HDGFL3: variants seen among roughly 807,000 people sequenced by gnomAD.
The protein encoded by HDGFL3 is hepatoma-derived growth factor-related protein 3.
A neutral mutation model predicts 27.6 loss-of-function variants in HDGFL3; 6 were observed. That is an observed-to-expected ratio of 0.22 (90% confidence interval 0.12 to 0.43). The LOEUF is 0.43. Ranked by LOEUF, HDGFL3 falls within the 20% of genes least tolerant of loss-of-function variation. HDGFL3 has a pLI of 1.00. For missense variants in HDGFL3, 207 were observed against 250.1 expected (o/e 0.83, Z 1.16); for synonymous variants, 88 against 88.9 (o/e 0.99, Z 0.05).
chr15:83,186,855 C>G (rs147835957), intron 1 of HDGFL3, among the ~76,000 whole-genome samples: 1 of 152,122 alleles, frequency 6.6e-6, no homozygotes, highest in Non-Finnish European at 1.5e-5. Flanking sequence ...AACCAACAAC[C>G]ACTTGTACCC....
intron 1 of HDGFL3, among the ~76,000 whole-genome samples, chr15:83,176,188 C>G (rs2037307349): frequency 6.6e-6 from 1 of 152,138 alleles, no homozygotes; most frequent in Admixed American, 6.5e-5. Context: ...TGAAGGTAAG[C>G]CTCAATGTGT....
chr15:83,151,059 T>C (rs1017916967), intron 5 of HDGFL3, among the ~76,000 whole-genome samples, 156 bp downstream of exon 5: 11 of 152,276 alleles, frequency 7.2e-5, no homozygotes, highest in South Asian at 4.1e-4. Flanking sequence ...CTCTAAGAAT[T>C]TGATTATATT....
chr15:83,167,885 T>G (rs923143465), intron 1 of HDGFL3, among the ~76,000 whole-genome samples: 2 of 152,152 alleles, frequency 1.3e-5, no homozygotes, highest in Admixed American at 6.5e-5. Flanking sequence ...TACTCCAAGA[T>G]AGACCACATG....
intron 1 of HDGFL3, among the ~76,000 whole-genome samples, chr15:83,202,401 G>C (rs1053283168): frequency 6.6e-6 from 1 of 152,088 alleles, no homozygotes; most frequent in Non-Finnish European, 1.5e-5. Context: ...TAAAGGAAGA[G>C]AAAGACACTG....
chr15:83,180,844 C>T (rs2078003105), intron 1 of HDGFL3: 4 of 151,986 alleles, frequency 2.6e-5, no homozygotes, highest in South Asian at 2.1e-4. Flanking sequence ...GCCATGTTGG[C>T]TAGGCTGGTC....
At chr15:83,156,417 G>A (rs2037030223) in intron 4 of HDGFL3, among the ~76,000 whole-genome samples, 1 of 152,138 alleles carries the variant, frequency 6.6e-6, no homozygotes, top group Non-Finnish European at 1.5e-5. Flanking sequence ...TTTATGTGAA[G>A]GCAGGAATGG....
In HDGFL3 at chr15:83,151,285, C is replaced by T; in HGVS notation, c.536G>A (p.Ser179Asn). Residue 179 changes from serine (S) to asparagine (N), a missense_variant, in exon 5 of 6, where the codon AGC becomes AAC. Transcript: ENST00000299633. ...GTTGCCCGCATCTCCACCCTCAGAG[C>T]TGCTTTTGTTTTCCTCTTCTTTGCA... ...KDCKEEENKS[S>N]SEGGDAGNDT... 1 of 1,613,416 alleles carries T rather than the reference C, an allele frequency of 6.2e-7. No individual in the cohort carries two copies.
At chr15:83,148,781 T>C (rs373750828) in intron 5 of HDGFL3, among the ~76,000 whole-genome samples, 1 of 152,062 alleles carries the variant, frequency 6.6e-6, no homozygotes, top group Non-Finnish European at 1.5e-5. Flanking sequence ...TGAAGGAATC[T>C]TGGGAAAACA....
Position 83,128,514 on chromosome 15 carries a change from GGTTT to G in HDGFL3, c.*10752_*10755del, listed in dbSNP as rs1450543904. 1 of 152,008 alleles carries G rather than the reference GGTTT, an allele frequency of 6.6e-6. No individual in the cohort carries two copies. The highest frequency in any genetic ancestry group is 1.5e-5 in the Non-Finnish European group (1 of 68,006). The allele number at this position is 152,008 out of a possible 1,614,324, so 9.4% of individuals were successfully genotyped here. A position where few individuals can be genotyped will look rare whatever the true frequency, so the allele number is the denominator to read the frequency against. The stretch of plus-strand genomic sequence containing the variant: ...AAATACCTGATTCCTCAGTCCTTGG[GGTTT>G]ATTTCTGTATTTTAGGTCTTTATCT... On this transcript the variant is annotated 3_prime_UTR_variant, in exon 6 of 6. Transcript: ENST00000299633.
intron 1 of HDGFL3, among the ~76,000 whole-genome samples, chr15:83,194,180 G>A (rs2037543932): frequency 6.6e-6 from 1 of 152,196 alleles, no homozygotes; most frequent in African/African-American, 2.4e-5. Flanking sequence ...GTATCCATCA[G>A]TGGATGAATA....
intron 5 of HDGFL3, among the ~76,000 whole-genome samples, chr15:83,148,100 T>C (rs901768239): frequency 2.0e-5 from 3 of 152,232 alleles, no homozygotes; most frequent in Non-Finnish European, 4.4e-5. Flanking sequence ...ATATTGGCAA[T>C]AATTAAAAAG....
chr15:83,151,521 T>C (rs1596548989), intron 4 of HDGFL3, among the ~76,000 whole-genome samples, 160 bp from the exon 5 acceptor site: 2 of 152,184 alleles, frequency 1.3e-5, no homozygotes, highest in Non-Finnish European at 2.9e-5. Context: ...CTAGGTGACA[T>C]TGGACAAATC....
intron 1 of HDGFL3, among the ~76,000 whole-genome samples, chr15:83,171,990 A>ATTAG (rs2037252246): frequency 6.6e-6 from 1 of 152,240 alleles, no homozygotes; most frequent in South Asian, 2.1e-4. Context: ...TATCAACAAA[A>ATTAG]TACTAAAGTA....
intron 1 of HDGFL3, among the ~76,000 whole-genome samples, chr15:83,179,006 A>G (rs1436599835): frequency 6.6e-6 from 1 of 152,122 alleles, no homozygotes; most frequent in African/African-American, 2.4e-5. Flanking sequence ...ACCCCTAGCC[A>G]AAAACCCTCC....
Position 83,128,436 on chromosome 15 carries a change from AGAG to A in HDGFL3, c.*10831_*10833del, listed in dbSNP as rs1406525626. ...CTTTCCTTGAGGGGCTTAAGAAGGA[AGAG>A]AACTAACATTTATTGCTCTTTGCTG... On this transcript the variant is annotated 3_prime_UTR_variant, in exon 6 of 6. Coordinates refer to ENST00000299633, the MANE Select transcript of HDGFL3 (RefSeq NM_016073.4). 1.3e-5 allele frequency: 2 copies of A among 152,244 alleles called. No individual in the cohort carries two copies. The highest frequency in any genetic ancestry group is 4.8e-5 in the African/African-American group (2 of 41,470). The allele number at this position is 152,244 out of a possible 1,614,324, so 9.4% of individuals were successfully genotyped here. A position where few individuals can be genotyped will look rare whatever the true frequency, so the allele number is the denominator to read the frequency against.
chr15:83,127,595 C>T, downstream of HDGFL3: 2 of 1,162,068 alleles, frequency 1.7e-6, no homozygotes, highest in Non-Finnish European at 2.5e-6. Flanking sequence ...GACATGTCAC[C>T]TTTTGTTTTG....
chr15:83,161,584 T>C (rs1435885330), intron 2 of HDGFL3, among the ~76,000 whole-genome samples: 2 of 152,186 alleles, frequency 1.3e-5, no homozygotes, highest in African/African-American at 4.8e-5. Flanking sequence ...GAGATGGACG[T>C]CTTCCTGCTA....
At chr15:83,183,932 TCC>T (rs1447812882) in intron 1 of HDGFL3, among the ~76,000 whole-genome samples, 1 of 152,102 alleles carries the variant, frequency 6.6e-6, no homozygotes, top group Non-Finnish European at 1.5e-5. Context: ...CAGCAAAATT[TCC>T]CTAGTTATAT....
At chr15:83,117,466 C>A (rs943189178) in intron 3 of HDGFL3, among the ~76,000 whole-genome samples, 1 of 152,112 alleles carries the variant, frequency 6.6e-6, no homozygotes, top group Non-Finnish European at 1.5e-5. Context: ...ACTTTAGAGA[C>A]CATGGCCAGA....
Sources: gnomAD v4.1 joint callset for allele counts (sites outside exome capture counted in the v4.1 genomes callset) on GRCh38, gnomAD v4.1.1 for gene constraint, MANE v1.5 for transcripts, NCBI Gene and HGNC (gene_info 2026-07-23, HGNC 2026-07-21) for gene names.